Variants in RGS6 observed in about 807,000 individuals in gnomAD.
RGS6 encodes the protein regulator of G protein signaling 6, also known as regulator of G-protein signaling 6.
Under a neutral mutation model 78.5 loss-of-function variants are expected in RGS6, and 30 were observed. That is an observed-to-expected ratio of 0.38 (90% CI 0.29 to 0.52). The LOEUF (loss-of-function observed/expected upper bound fraction) is 0.52. RGS6 is among the 20% of genes least tolerant of loss of function. The pLI is 0.85. For synonymous variants in RGS6, 206 were observed against 206.0 expected (o/e 1.00, Z 0.00); for missense variants, 495 against 609.7 (o/e 0.81, Z 1.98).
rs141589458 is a variant in RGS6, at chr14:72,001,321, G to A, written c.84+36446G>A. ...TGTTGATGATTTTTCCTACCTCATA[G>A]AATTCTTTAAAAATAACACTGGAGA... On this transcript the variant is annotated intron_variant, in intron 2 of 17. Coordinates refer to ENST00000553525, the MANE Select transcript of RGS6 (RefSeq NM_001204424.2). 5.3e-4 allele frequency among the ~76,000 whole-genome samples: 81 copies of A among 152,228 alleles called. 1 individual carries two copies. In the East Asian group the frequency reaches 0.015, roughly 28 times the overall value.
chr14:71,990,982 C>T (rs537298835), intron 2 of RGS6: 28 of 375,202 alleles, frequency 7.5e-5, no homozygotes, highest in African/African-American at 2.5e-4. Flanking sequence ...CACCACTCTA[C>T]GCAATATGAA....
At chr14:72,259,096 G>C (rs927813170) in intron 2 of RGS6, among the ~76,000 whole-genome samples, 15 of 152,182 alleles carry the variant, frequency 9.9e-5, no homozygotes, top group Non-Finnish European at 2.2e-4. Context: ...ACAGCCTATA[G>C]TGTCTGCTAC....
At chr14:72,185,899 T>C (rs1423047409) in intron 2 of RGS6, among the ~76,000 whole-genome samples, 1 of 152,242 alleles carries the variant, frequency 6.6e-6, no homozygotes, top group Non-Finnish European at 1.5e-5. Flanking sequence ...CTCAGGCCAC[T>C]GTACTTGAGC....
intron 2 of RGS6, among the ~76,000 whole-genome samples, chr14:72,170,289 T>C (rs913867710): frequency 2.6e-5 from 4 of 152,248 alleles, no homozygotes; most frequent in African/African-American, 9.6e-5. Flanking sequence ...TTATAAATGG[T>C]ATTGGTGAAG....
chr14:72,219,902 A>G (rs1341527740), intron 2 of RGS6, among the ~76,000 whole-genome samples: 1 of 152,104 alleles, frequency 6.6e-6, no homozygotes, highest in Admixed American at 6.5e-5. Flanking sequence ...TTCCAGACGA[A>G]CATTCCTCAG....
intron 17 of RGS6, among the ~76,000 whole-genome samples, chr14:72,553,574 A>G (rs545908530): frequency 7.2e-5 from 11 of 152,158 alleles, no homozygotes; most frequent in East Asian, 1.9e-4. Flanking sequence ...TTTCTCTCCT[A>G]AGAAACAAGG....
rs557747978 is a variant in RGS6, at chr14:72,497,050, G to T, written c.965+1788G>T. ...CTCCTTTTTTGCCACCATAAACAAT[G>T]ATTCCGGGAACATCTTTCTACACAA... On this transcript the variant is annotated intron_variant, in intron 13 of 17. Transcript: ENST00000553525. Among the ~76,000 whole-genome samples the T allele has an allele frequency of 1.1e-3, 161 of 152,174 alleles. 1 individual carries two copies. Among genetic ancestry groups the T allele is most frequent in the African/African-American group, 3.8e-3 (157 of 41,534 alleles).
chr14:72,301,682 C>T (rs2066094865), intron 2 of RGS6, among the ~76,000 whole-genome samples: 1 of 152,168 alleles, frequency 6.6e-6, no homozygotes, highest in African/African-American at 2.4e-5. Context: ...CTACCAAGAG[C>T]TGCCAAGAAG....
At chr14:72,556,283 C>T (rs1427758963) in intron 17 of RGS6, among the ~76,000 whole-genome samples, 1 of 152,162 alleles carries the variant, frequency 6.6e-6, no homozygotes, top group Non-Finnish European at 1.5e-5. Context: ...AGCAGTCTTA[C>T]TTGGCAGCAG....
chr14:72,345,653 A>G (rs1596059939), intron 2 of RGS6, among the ~76,000 whole-genome samples: 1 of 152,320 alleles, frequency 6.6e-6, no homozygotes, highest in East Asian at 1.9e-4. Context: ...CTTAACTGTA[A>G]GCCTAGTTCC....
At chr14:72,220,489 A>T (rs986159894) in intron 2 of RGS6, among the ~76,000 whole-genome samples, 1 of 152,312 alleles carries the variant, frequency 6.6e-6, no homozygotes, top group African/African-American at 2.4e-5. Flanking sequence ...GCTATTTAAC[A>T]TAGTTGAGTT....
intron 2 of RGS6, among the ~76,000 whole-genome samples, chr14:72,351,023 C>G (rs949124382): frequency 2.0e-5 from 3 of 152,022 alleles, no homozygotes; most frequent in Non-Finnish European, 4.4e-5. Flanking sequence ...CATGTGTCTT[C>G]AAGAAAATCA....
At chr14:72,281,778 A>G (rs1481011844) in intron 2 of RGS6, among the ~76,000 whole-genome samples, 1 of 152,128 alleles carries the variant, frequency 6.6e-6, no homozygotes, top group Non-Finnish European at 1.5e-5. Flanking sequence ...CAAAATGAAG[A>G]TCAGAGTGGC....
intron 2 of RGS6, among the ~76,000 whole-genome samples, chr14:72,330,329 A>G (rs1306087322): frequency 4.6e-5 from 7 of 152,246 alleles, no homozygotes; most frequent in Non-Finnish European, 8.8e-5. Context: ...AGGAGCAGGT[A>G]TTCCAAGTCC....
intron 2 of RGS6, among the ~76,000 whole-genome samples, chr14:72,110,603 T>C (rs2095737230): frequency 6.6e-6 from 1 of 152,186 alleles, no homozygotes. Flanking sequence ...AGCATCAGAG[T>C]GTAAATCCAG....
chr14:72,576,725 G>T, the RGS6 span, among the ~76,000 whole-genome samples: 2 of 152,156 alleles, frequency 1.3e-5, no homozygotes, highest in Admixed American at 6.5e-5. Flanking sequence ...GTCAATCAAG[G>T]CTTCTCAGCA....
chr14:72,250,096 G>A (rs1220600911), intron 2 of RGS6, among the ~76,000 whole-genome samples: 1 of 119,464 alleles, frequency 8.4e-6, no homozygotes, highest in Non-Finnish European at 1.7e-5. Flanking sequence ...GTTGCGGGGT[G>A]GGGGGAGGGG....
intron 2 of RGS6, among the ~76,000 whole-genome samples, chr14:72,248,749 G>C (rs1266881404): frequency 2.0e-5 from 3 of 152,178 alleles, no homozygotes; most frequent in African/African-American, 7.2e-5. Context: ...ATTGACATCT[G>C]TTAGAAATTT....
At chr14:72,087,408 G>A (rs375212905) in intron 2 of RGS6, among the ~76,000 whole-genome samples, 19 of 152,114 alleles carry the variant, frequency 1.2e-4, no homozygotes, top group Admixed American at 2.0e-4. Context: ...TGGAATTACA[G>A]GTATGAGCCA....
Sources: allele counts gnomAD v4.1 joint callset (sites outside exome capture counted in the v4.1 genomes callset), GRCh38; gene constraint gnomAD v4.1.1; transcripts MANE v1.5; gene names NCBI Gene and HGNC (gene_info 2026-07-23, HGNC 2026-07-21).